The following SESN1 variants were observed in gnomAD, a reference collection of about 807,000 sequenced individuals.
SESN1 encodes the protein sestrin 1.
Under a neutral mutation model 59.3 loss-of-function variants are expected in SESN1, and 30 were observed. The observed-to-expected ratio is 0.51, with a 90% confidence interval of 0.38 to 0.69. The LOEUF (loss-of-function observed/expected upper bound fraction) is 0.69. Ranked by LOEUF, SESN1 falls within the 30% of genes least tolerant of loss-of-function variation. SESN1 has a pLI of 0.00. For missense variants in SESN1, 566 were observed against 673.0 expected, an observed-to-expected ratio of 0.84 and a Z score of 1.76; for synonymous variants, 197 against 219.9, an observed-to-expected ratio of 0.90 and a Z score of 0.92.
chr6:109,077,831 A>G (rs959628210), intron 1 of SESN1, among the ~76,000 whole-genome samples: 1 of 152,202 alleles, frequency 6.6e-6, no homozygotes. Context: ...TAACCCATGG[A>G]AACACTGCAA....
In SESN1 at chr6:109,001,416, A is replaced by G; in HGVS notation, c.418T>C (p.Leu140=). 1 of 1,613,896 alleles carries G rather than the reference A, an allele frequency of 6.2e-7. No individual in the cohort carries two copies. ...FADSFAALGR[L]DNITLVMVFH... is the part of the protein sequence containing the mutation. ...ACCATCACTAACGTAATGTTATCCA[A>G]ACGGCCCAAAGCAGCAAAAGAATCT... The change falls in exon 3 of 10, where the codon TTG becomes CTG. Residue 140 remains leucine (L), a synonymous_variant. Coordinates refer to ENST00000436639, the MANE Select transcript of SESN1 (RefSeq NM_014454.3).
intron 1 of SESN1, among the ~76,000 whole-genome samples, chr6:109,040,964 A>C (rs1364766159): frequency 2.0e-5 from 3 of 151,894 alleles, no homozygotes; most frequent in African/African-American, 4.8e-5. Flanking sequence ...AACTAGCATA[A>C]ATTTTTAAAA....
At chr6:109,003,165 C>G (rs1356983096) in intron 1 of SESN1, among the ~76,000 whole-genome samples, 1 of 151,730 alleles carries the variant, frequency 6.6e-6, no homozygotes, top group Non-Finnish European at 1.5e-5. Flanking sequence ...TAATATATTT[C>G]AACTTTTTGT....
intron 1 of SESN1, among the ~76,000 whole-genome samples, chr6:109,002,951 G>A (rs1779658814): frequency 6.6e-6 from 1 of 151,920 alleles, no homozygotes; most frequent in African/African-American, 2.4e-5. Flanking sequence ...TTTATTTACA[G>A]GATGTCATCA....
intron 1 of SESN1, among the ~76,000 whole-genome samples, chr6:109,067,027 C>T (rs934633569): frequency 2.0e-5 from 3 of 152,170 alleles, no homozygotes; most frequent in African/African-American, 7.2e-5. Flanking sequence ...TCAGACAGGC[C>T]TACTTTGAAA....
intron 1 of SESN1, among the ~76,000 whole-genome samples, chr6:109,084,936 T>TAATAA (rs1440327054): frequency 6.6e-6 from 1 of 152,090 alleles, no homozygotes; most frequent in African/African-American, 2.4e-5. Context: ...CAGATTTTAA[T>TAATAA]AATAAAATAC....
intron 1 of SESN1, 37 bp downstream of exon 1, chr6:109,093,758 G>A: frequency 1.3e-6 from 2 of 1,590,384 alleles, no homozygotes; most frequent in Non-Finnish European, 1.7e-6. Flanking sequence ...TTTAACTGTA[G>A]TAGAGACATA....
rs1285483877 is a variant in SESN1 at position 108,985,193 on chromosome 6, ACTT to A, written c.*2348_*2350del. Among the ~76,000 whole-genome samples, 1 of 152,192 alleles carries A rather than the reference ACTT, an allele frequency of 6.6e-6. No individual in the cohort carries two copies. Among genetic ancestry groups the A allele is most frequent in the African/African-American group, 2.4e-5 (1 of 41,452 alleles). ...CTTATCCAACAAGTTTTACTTATCT[ACTT>A]ATCTCCTGGTGGTCTGTATCAAAAT... On this transcript the variant is annotated 3_prime_UTR_variant, in exon 10 of 10. Coordinates refer to ENST00000436639, the MANE Select transcript of SESN1 (RefSeq NM_014454.3).
At chr6:109,049,566 A>G (rs930582026) in intron 1 of SESN1, among the ~76,000 whole-genome samples, 22 of 152,114 alleles carry the variant, frequency 1.4e-4, no homozygotes, top group Non-Finnish European at 3.2e-4. Flanking sequence ...AACTGTTTAG[A>G]TGACGGATTT....
Position 109,001,454 on chromosome 6 carries a change from T to G in SESN1, c.380A>C (p.His127Pro). 1 of 1,613,730 alleles carries G rather than the reference T, an allele frequency of 6.2e-7. No homozygotes were observed. The highest frequency in any genetic ancestry group is 1.6e-4 in the Middle Eastern group (1 of 6,062). Residue 127 changes from histidine (H) to proline (P), a missense_variant, in exon 3 of 10, where the codon CAT becomes CCT. Transcript: ENST00000436639. ...LQVGSEDAQM[H>P]ALFADSFAAL... ...AGCAAAAGAATCTGCAAATAAAGCA[T>G]GCATCTGTGCGTCTTCACTCCCCAC...
chr6:109,063,471 G>T (rs1396040006), intron 1 of SESN1, among the ~76,000 whole-genome samples: 1 of 152,122 alleles, frequency 6.6e-6, no homozygotes, highest in Non-Finnish European at 1.5e-5. Flanking sequence ...ATGTGGAAAT[G>T]TTCATGGAGA....
At chr6:109,064,810 A>C (rs1176835974) in intron 1 of SESN1, among the ~76,000 whole-genome samples, 1 of 151,938 alleles carries the variant, frequency 6.6e-6, no homozygotes, top group Non-Finnish European at 1.5e-5. Flanking sequence ...AGGTTGGCAA[A>C]ATCTGTGTGG....
intron 1 of SESN1, among the ~76,000 whole-genome samples, chr6:109,051,763 G>C (rs775605226): frequency 1.7e-4 from 26 of 152,130 alleles, no homozygotes; most frequent in Non-Finnish European, 2.9e-4. Context: ...CACAGTTCTG[G>C]AGGCTGGAAA....
At chr6:108,988,248 G>A (rs1049155533) in intron 9 of SESN1, 30 of 231,326 alleles carry the variant, frequency 1.3e-4, no homozygotes, top group African/African-American at 5.6e-4. Context: ...ATGTTTCAAA[G>A]AGAACAGACA....
intron 1 of SESN1, among the ~76,000 whole-genome samples, chr6:109,055,476 G>A (rs922392098): frequency 1.3e-5 from 2 of 151,918 alleles, no homozygotes; most frequent in South Asian, 4.2e-4. Context: ...GCCCGGCCAA[G>A]ATGGTGAAAC....
At chr6:109,023,453 GT>G (rs1179741797) in intron 1 of SESN1, among the ~76,000 whole-genome samples, 1 of 151,890 alleles carries the variant, frequency 6.6e-6, no homozygotes, top group South Asian at 2.1e-4. Flanking sequence ...GATCCACTAT[GT>G]TTTTTTGATA....
At chr6:109,034,158 T>C (rs56315926) in intron 1 of SESN1, among the ~76,000 whole-genome samples, 11,012 of 152,264 alleles carry the variant, frequency 0.072, 907 homozygotes, top group African/African-American at 0.2. Flanking sequence ...CCTGTCTTAC[T>C]TGGAATATAA....
rs1243147895 is a variant in SESN1, at chr6:108,997,022, T to A, written c.972+1491A>T. 2.0e-5 allele frequency among the ~76,000 whole-genome samples: 3 copies of A among 152,236 alleles called. No homozygotes were observed. In the East Asian group the frequency reaches 5.8e-4, roughly 29 times the overall value. ...AGAGAGTAAAGAAATGAATAAGTAGTTTCCAGGGTTGGGAGGGAGGGAAAA... is the reference window on the plus strand; with the variant it reads ...AGAGAGTAAAGAAATGAATAAGTAGATTCCAGGGTTGGGAGGGAGGGAAAA... On this transcript the variant is annotated intron_variant, in intron 5 of 9. Transcript: ENST00000436639.
intron 6 of SESN1, among the ~76,000 whole-genome samples, chr6:108,993,490 GA>G (rs1245073462): frequency 2.0e-5 from 3 of 151,812 alleles, no homozygotes; most frequent in South Asian, 4.2e-4. Context: ...TTTCCTGGAA[GA>G]AAAAAAAGTG....
Sources: gnomAD v4.1 joint callset for allele counts (sites outside exome capture counted in the v4.1 genomes callset) on GRCh38, gnomAD v4.1.1 for gene constraint, MANE v1.5 for transcripts, NCBI Gene and HGNC (gene_info 2026-07-23, HGNC 2026-07-21) for gene names.